The following HR variants were observed in gnomAD, a reference collection of about 807,000 sequenced individuals.
HR encodes the protein lysine-specific demethylase hairless.
A neutral mutation model predicts 128.6 loss-of-function variants in HR; 83 were observed. That is an observed-to-expected ratio of 0.65 (90% CI 0.54 to 0.77). HR has a LOEUF of 0.77. Ranked by LOEUF, HR falls within the 30% of genes least tolerant of loss-of-function variation. The pLI is 0.00. For synonymous variants in HR, 681 were observed against 658.2 expected, an observed-to-expected ratio of 1.03 and a Z score of -0.53; for missense variants, 1,490 against 1,574.6, an observed-to-expected ratio of 0.95 and a Z score of 0.91.
At chr8:22,122,003 A>G (rs1000507763) in intron 8 of HR, among the ~76,000 whole-genome samples, 1 of 152,206 alleles carries the variant, frequency 6.6e-6, no homozygotes. Flanking sequence ...ATTTTCCACA[A>G]TGGGTATATA....
chr8:22,119,902 G>A lies in HR; in HGVS notation c.2847-12C>T, dbSNP rs769623779. On this transcript the variant is annotated splice_polypyrimidine_tract_variant and intron_variant, in intron 13 of 18. Transcript: ENST00000381418. ...CTAGGTTCTCCACCCTGTCAGGGTA[G>A]GGGGTCATGCCCAGCAGGCCCAACC... 1.2e-6 allele frequency: 2 copies of A among 1,613,138 alleles called. No homozygotes were observed. The highest frequency in any genetic ancestry group is 2.2e-5 in the East Asian group (1 of 44,876).
intron 1 of HR, 131 bp from the exon 2 acceptor site, chr8:22,129,341 A>G: frequency 1.5e-6 from 1 of 657,198 alleles, no homozygotes; most frequent in Non-Finnish European, 2.4e-6. Flanking sequence ...CCAGCCCACA[A>G]CTGGGCACCA....
At chr8:22,121,473 C>T in intron 9 of HR, 140 bp downstream of exon 9, 1 of 980,628 alleles carries the variant, frequency 1.0e-6, no homozygotes, top group Non-Finnish European at 1.6e-6. Context: ...GAGGCATGTC[C>T]TGAGGGGAGT....
chr8:22,126,114 C>T (rs929995488), intron 3 of HR, among the ~76,000 whole-genome samples: 1 of 152,188 alleles, frequency 6.6e-6, no homozygotes, highest in East Asian at 1.9e-4. Context: ...ACAATCCCAA[C>T]GTGGACGGAG....
Position 22,127,257 on chromosome 8 carries a change from G to T in HR, c.1185C>A (p.Arg395=). Residue 395 remains arginine, a synonymous_variant, in exon 3 of 19, where the codon CGC becomes CGA. Transcript: ENST00000381418. ...TRHSEQFECP[R]GCPEVEERPV... Reference sequence around the variant, plus strand: ...GCCTCTCCTCGACCTCAGGGCAGCCGCGTGGACATTCAAACTGCTCCGAGT... The same window carrying T: ...GCCTCTCCTCGACCTCAGGGCAGCCTCGTGGACATTCAAACTGCTCCGAGT... 1.2e-6 allele frequency: 2 copies of T among 1,613,138 alleles called. No homozygotes were observed. The highest frequency in any genetic ancestry group is 1.7e-6 in the Non-Finnish European group (2 of 1,180,020).
rs906241258 is a variant in HR, at chr8:22,122,698, G to C, written c.2006-90C>G. 2.7e-6 allele frequency: 4 copies of C among 1,478,238 alleles called. No homozygotes were observed. The Admixed American group carries it at 5.9e-5, about 22-fold the overall frequency. The allele number at this position is 1,478,238 out of a possible 1,614,324, so 91.6% of individuals were successfully genotyped here. On this transcript the variant is annotated intron_variant, in intron 7 of 18. Transcript: ENST00000381418. ...GCAGCTTGGCCTTGCCAAGCAGAAG[G>C]GCATGGCACTGGGGGGAGGGACAAT...
At chr8:22,122,692 C>A in intron 7 of HR, 84 bp from the exon 8 acceptor site, 3 of 1,493,168 alleles carry the variant, frequency 2.0e-6, no homozygotes, top group Non-Finnish European at 2.7e-6. Flanking sequence ...CCTTGCCAAG[C>A]AGAAGGGCAT....
At chr8:22,126,907 G>A (rs970728269) in intron 3 of HR, 130 bp downstream of exon 3, 6 of 881,454 alleles carry the variant, frequency 6.8e-6, no homozygotes, top group Middle Eastern at 3.5e-4. Context: ...GAGAGCCCTC[G>A]TGATCCAGGT....
At position 22,130,611 on chromosome 8, in the gene HR, C is replaced by T. The variant is rs1039104495; in HGVS notation, c.-224G>A. The stretch of plus-strand genomic sequence containing the variant: ...CGGGGCGGCGGGGGCGCTCTAGGGC[C>T]GCAGGTTGGAGGGGTCGGACTCCGG... On this transcript the variant is annotated 5_prime_UTR_variant, in exon 1 of 19. Coordinates refer to ENST00000381418, the MANE Select transcript of HR (RefSeq NM_005144.5). The T allele has an allele frequency of 1.3e-5, 2 of 152,272 alleles. No individual in the cohort carries two copies. The highest frequency in any genetic ancestry group is 2.9e-5 in the Non-Finnish European group (2 of 68,108). 9.4% of individuals were successfully genotyped at this position (152,272 alleles called of 1,614,324 possible).
rs116672856 is a variant in HR, at chr8:22,116,217, C to T, written c.3507+83G>A. 5,072 of 1,594,672 alleles carry T rather than the reference C, an allele frequency of 3.2e-3. 102 individuals carry two copies. The African/African-American group carries it at 0.054, about 17-fold the overall frequency. On this transcript the variant is annotated intron_variant, in intron 18 of 18. Coordinates refer to ENST00000381418, the MANE Select transcript of HR (RefSeq NM_005144.5). This position sits in a 1 kb window ranked among gnomAD's most constrained non-coding sequence, Gnocchi z 4.2. The stretch of plus-strand genomic sequence containing the variant: ...CTGCCTGCTTGGCACAGGGTGGGAT[C>T]TGCTATGTCCACTGCAGCTGTGGCA...
chr8:22,118,848 TG>T, intron 16 of HR, 101 bp downstream of exon 16: 3 of 965,118 alleles, frequency 3.1e-6, no homozygotes, highest in Non-Finnish European at 4.8e-6. Context: ...CCTGAGGGCG[TG>T]GGGCAGGGAG....
chr8:22,123,532 G>A, intron 6 of HR, 117 bp downstream of exon 6: 1 of 979,242 alleles, frequency 1.0e-6, no homozygotes, highest in Non-Finnish European at 1.5e-6. Flanking sequence ...GCTGAGGCTG[G>A]GGCTGTGCAG....
Position 22,121,237 on chromosome 8 carries a change from G to T in HR, c.2204-9C>A. The T allele has an allele frequency of 6.2e-7, 1 of 1,613,250 alleles. No homozygotes were observed. The highest frequency in any genetic ancestry group is 8.5e-7 in the Non-Finnish European group (1 of 1,179,702). ...AGCGGAATCGGGGGTCTCTGTCAGG[G>T]AGGAAGATGGTGGGGGGCTTCGCGT... is the stretch of plus-strand genomic sequence containing the variant. On this transcript the variant is annotated splice_polypyrimidine_tract_variant and intron_variant, in intron 9 of 18. Transcript: ENST00000381418.
At chr8:22,123,340 A>G (rs1826802641) in intron 6 of HR, among the ~76,000 whole-genome samples, 1 of 152,206 alleles carries the variant, frequency 6.6e-6, no homozygotes, top group Non-Finnish European at 1.5e-5. Context: ...TCTTATCTGG[A>G]AAACAAAAGC....
At position 22,115,485 on chromosome 8, in the gene HR, T is replaced by C. The variant is rs1223358052; in HGVS notation, c.*215A>G. The C allele has an allele frequency of 1.6e-6, 1 of 622,876 alleles. No individual in the cohort carries two copies. The highest frequency in any genetic ancestry group is 1.8e-5 in the African/African-American group (1 of 55,196). The allele number at this position is 622,876 out of a possible 1,614,324, so 38.6% of individuals were successfully genotyped here. Reference sequence around the variant, plus strand: ...GAAAAGGGGCACAGGGTGGGGGAGATGCCAGCCTGAGAAGGACAGGTGTGA... The same window carrying C: ...GAAAAGGGGCACAGGGTGGGGGAGACGCCAGCCTGAGAAGGACAGGTGTGA... On this transcript the variant is annotated 3_prime_UTR_variant, in exon 19 of 19. Coordinates refer to ENST00000381418, the MANE Select transcript of HR (RefSeq NM_005144.5).
chr8:22,124,308 C>A (rs921709991), intron 5 of HR, among the ~76,000 whole-genome samples: 5 of 152,214 alleles, frequency 3.3e-5, no homozygotes, highest in Non-Finnish European at 7.3e-5. Flanking sequence ...CAGCTCACTG[C>A]AGCCTCCATC....
chr8:22,118,801 C>A, intron 16 of HR, 149 bp downstream of exon 16: 1 of 673,958 alleles, frequency 1.5e-6, no homozygotes, highest in Non-Finnish European at 2.6e-6. Flanking sequence ...TCTGCCTTCT[C>A]TGCACCTGTC....
chr8:22,127,558 G>A lies in HR; in HGVS notation c.884C>T (p.Ala295Val). ...CCCAAGGTTCCCATCGCCTGGCCCA[G>A]CCCAGACGTTGCCAAGAGTATGAAC... ...GLVHTLGNVWAGPGDGNLGYQ... is the reference protein window; with the variant it reads ...GLVHTLGNVWVGPGDGNLGYQ... The change falls in exon 3 of 19, where the codon GCT (alanine) becomes GTT (valine). Residue 295 changes from alanine (A) to valine (V), a missense_variant. Ala to Val is a moderately conservative substitution (Grantham distance 64, BLOSUM62 0). Transcript: ENST00000381418. 2 of 1,613,026 alleles carry A rather than the reference G, an allele frequency of 1.2e-6. No homozygotes were observed. The highest frequency in any genetic ancestry group is 1.1e-5 in the South Asian group (1 of 91,088).
In HR at chr8:22,122,556, G is replaced by C. The variant is rs1826781595; in HGVS notation, c.2058C>G (p.Ile686Met). ...CAGCTTGGCAGGGGCAGTGCCCCCG[G>C]ATATCAAACTTGACCCAGACCTGGT... ...AMHQVWVKFDIRGHCPCQADA... is the reference protein window; with the variant it reads ...AMHQVWVKFDMRGHCPCQADA... Residue 686 changes from isoleucine to methionine, a missense_variant, in exon 8 of 19, where the codon ATC (isoleucine) becomes ATG (methionine). Ile to Met is a conservative substitution (Grantham distance 10, BLOSUM62 1). This residue lies in a region of HR where 1,060 missense variants were observed against 1,060.9 expected (regional missense o/e 1.00). Transcript: ENST00000381418. 1 of 1,608,800 alleles carries C rather than the reference G, an allele frequency of 6.2e-7. No individual in the cohort carries two copies. The highest frequency in any genetic ancestry group is 1.1e-5 in the South Asian group (1 of 90,826).
Sources: gnomAD v4.1 joint callset for allele counts (sites outside exome capture counted in the v4.1 genomes callset) on GRCh38, gnomAD v4.1.1 for gene constraint, gnomAD v4.1.1 regional missense constraint, Gnocchi (gnomAD v3.1) non-coding constraint, MANE v1.5 for transcripts, NCBI Gene and HGNC (gene_info 2026-07-23, HGNC 2026-07-21) for gene names.